The following CST8 variants were observed in gnomAD, a reference collection of about 807,000 sequenced individuals.
CST8 encodes the protein cystatin-8.
Under a neutral mutation model 11.8 loss-of-function variants are expected in CST8, and 20 were observed. That is an observed-to-expected ratio of 1.70 (90% confidence interval 1.20 to 2.47). The LOEUF is 2.47. Ranked by LOEUF, CST8 falls within the 30% of genes most tolerant of loss-of-function variation. The pLI is 0.00. For missense variants in CST8, 196 were observed against 167.2 expected (o/e 1.17, Z -0.95); for synonymous variants, 77 against 63.1 (o/e 1.22, Z -1.05).
the CST8 span, among the ~76,000 whole-genome samples, chr20:23,501,886 A>G: frequency 1.3e-5 from 2 of 152,306 alleles, no homozygotes; most frequent in East Asian, 3.9e-4. Context: ...ATCCTCAAAT[A>G]CAGAGACATT....
At chr20:23,494,753 G>T (rs1449844137) in intron 3 of CST8, among the ~76,000 whole-genome samples, 1 of 152,210 alleles carries the variant, frequency 6.6e-6, no homozygotes, top group African/African-American at 2.4e-5. Flanking sequence ...TGGAAGAAAA[G>T]ATATGTTAGG....
At position 23,492,978 on chromosome 20, in the gene CST8, C is replaced by A. The variant is rs137956606; in HGVS notation, c.252C>A (p.Tyr84Ter). 8.2e-5 allele frequency: 131 copies of A among 1,603,050 alleles called. No individual in the cohort carries two copies. Among genetic ancestry groups the A allele is most frequent in the Non-Finnish European group, 1.1e-4 (130 of 1,170,382 alleles). Residue 84 changes from tyrosine (Y) to a stop codon, truncating the protein, a stop_gained, in exon 3 of 4, where the codon TAC becomes TAA. Coordinates refer to ENST00000246012, the MANE Select transcript of CST8 (RefSeq NM_005492.4). LOFTEE classifies it high-confidence loss of function. ...AACAGGTCACAAATCTTCTGGAATA[C>A]CTTATTGATGTAGAAATTGCCCGCA... ...AQLQVTNLLEYLIDVEIARSD... is the reference protein window; with the variant it reads ...AQLQVTNLLE
chr20:23,503,317 T>C, the CST8 span, among the ~76,000 whole-genome samples: 1 of 152,178 alleles, frequency 6.6e-6, no homozygotes, highest in South Asian at 2.1e-4. Flanking sequence ...AGTATAAAAC[T>C]CACAGGATGC....
downstream of CST8, among the ~76,000 whole-genome samples, chr20:23,500,474 A>G (rs546279569): frequency 6.6e-6 from 1 of 152,192 alleles, no homozygotes; most frequent in African/African-American, 2.4e-5. Flanking sequence ...ATGACCTGGG[A>G]GAGTGTCAGG....
At chr20:23,503,947 C>T in the CST8 span, among the ~76,000 whole-genome samples, 1 of 152,226 alleles carries the variant, frequency 6.6e-6, no homozygotes, top group Non-Finnish European at 1.5e-5. Context: ...ATTGCTCACC[C>T]TGGTGAGAGC....
chr20:23,500,762 TG>T (rs1321179786), downstream of CST8, among the ~76,000 whole-genome samples: 3 of 9,248 alleles, frequency 3.2e-4, no homozygotes, highest in East Asian at 4.8e-3. Flanking sequence ...GGTGGCTGGG[TG>T]GGGGGGTGCA....
chr20:23,496,693 G>A (rs188889996), downstream of CST8, among the ~76,000 whole-genome samples: 77 of 152,270 alleles, frequency 5.1e-4, no homozygotes, highest in Admixed American at 4.8e-3. Context: ...ACGGGAAACT[G>A]GGGCTTATTT....
the CST8 span, among the ~76,000 whole-genome samples, chr20:23,502,326 T>G: frequency 6.6e-6 from 1 of 152,298 alleles, no homozygotes; most frequent in South Asian, 2.1e-4. Flanking sequence ...GGGGAAAGCA[T>G]GGTGGGGGTA....
the CST8 span, among the ~76,000 whole-genome samples, chr20:23,502,330 G>A: frequency 6.6e-6 from 1 of 152,350 alleles, no homozygotes; most frequent in South Asian, 2.1e-4. Flanking sequence ...AAAGCATGGT[G>A]GGGGTATGTG....
downstream of CST8, among the ~76,000 whole-genome samples, chr20:23,496,748 G>A (rs147421199): frequency 7.2e-5 from 11 of 152,210 alleles, no homozygotes; most frequent in South Asian, 2.1e-4. Flanking sequence ...CCCCCAAAGC[G>A]GCCATTTTAG....
chr20:23,495,845 C>T lies in CST8; in HGVS notation c.360C>T (p.Ser120=). Residue 120 remains serine, a synonymous_variant, in exon 4 of 4, where the codon AGC becomes AGT. Coordinates refer to ENST00000246012, the MANE Select transcript of CST8 (RefSeq NM_005492.4). Reference sequence around the variant, plus strand: ...ATCTTTTTCAGAAATTAAGCTGCAGCTTTTTGGTAGGAGCACTTCCCTGGA... The same window carrying T: ...ATCTTTTTCAGAAATTAAGCTGCAGTTTTTTGGTAGGAGCACTTCCCTGGA... ...NSKLKRKLSC[S]FLVGALPWNG... 1 of 1,602,710 alleles carries T rather than the reference C, an allele frequency of 6.2e-7. No homozygotes were observed. Among genetic ancestry groups the T allele is most frequent in the Non-Finnish European group, 8.5e-7 (1 of 1,176,450 alleles).
Position 23,495,835 on chromosome 20 carries a change from T to A in CST8, c.350T>A (p.Leu117Ter). Residue 117 changes from leucine (L) to a stop codon, truncating the protein, a stop_gained, in exon 4 of 4, where the codon TTA (leucine) becomes TAA (stop). Transcript: ENST00000246012. LOFTEE classifies it low-confidence loss of function (END_TRUNC). ...IQENSKLKRKLSCSFLVGALP... is the reference protein window; with the variant it reads ...IQENSKLKRK ...TGTTGTTGTCATCTTTTTCAGAAAT[T>A]AAGCTGCAGCTTTTTGGTAGGAGCA... The A allele has an allele frequency of 6.2e-7, 1 of 1,600,838 alleles. No homozygotes were observed. The highest frequency in any genetic ancestry group is 8.5e-7 in the Non-Finnish European group (1 of 1,174,232).
chr20:23,505,671 A>G, the CST8 span, among the ~76,000 whole-genome samples: 1 of 152,188 alleles, frequency 6.6e-6, no homozygotes, highest in Non-Finnish European at 1.5e-5. Context: ...GAACGCCCTT[A>G]CTGAGGTGGA....
chr20:23,491,722 G>T lies in CST8; in HGVS notation c.55G>T (p.Val19Leu). The T allele has an allele frequency of 1.2e-6, 2 of 1,613,992 alleles. No homozygotes were observed. The highest frequency in any genetic ancestry group is 2.2e-5 in the South Asian group (2 of 91,080). ...CCTCCTCACCATTCCCCTGGCCCTGGTGGCCAGGAAAGACCCAAAAAAGAA... is the reference window on the plus strand; with the variant it reads ...CCTCCTCACCATTCCCCTGGCCCTGTTGGCCAGGAAAGACCCAAAAAAGAA... ...LILLTIPLAL[V>L]ARKDPKKNET... Residue 19 changes from valine (V) to leucine (L), a missense_variant, in exon 2 of 4, where the codon GTG becomes TTG. Transcript: ENST00000246012.
downstream of CST8, among the ~76,000 whole-genome samples, chr20:23,500,560 C>T (rs1380297716): frequency 2.0e-5 from 3 of 151,992 alleles, no homozygotes; most frequent in Non-Finnish European, 4.4e-5. Context: ...CATGTGCGTC[C>T]TAGGAGGGGC....
chr20:23,504,359 C>T, the CST8 span, among the ~76,000 whole-genome samples: 1 of 152,180 alleles, frequency 6.6e-6, no homozygotes, highest in African/African-American at 2.4e-5. Context: ...TTTGTATCCG[C>T]CCACTCCTTG....
rs746304754 is a variant in CST8, at chr20:23,491,924, G to A, written c.231+26G>A. On this transcript the variant is annotated intron_variant, in intron 2 of 3. Transcript: ENST00000246012. Reference sequence around the variant, plus strand: ...GTAAAGGTGTCTTTCCATATAGGTGGACATTTGCATATGGTGGCACAGTTG... The same window carrying A: ...GTAAAGGTGTCTTTCCATATAGGTGAACATTTGCATATGGTGGCACAGTTG... 4 of 1,567,712 alleles carry A rather than the reference G, an allele frequency of 2.6e-6. No homozygotes were observed. The African/African-American group carries it at 4.1e-5, about 16-fold the overall frequency.
At chr20:23,503,898 C>T in the CST8 span, among the ~76,000 whole-genome samples, 1 of 152,182 alleles carries the variant, frequency 6.6e-6, no homozygotes, top group African/African-American at 2.4e-5. Flanking sequence ...AAGGAGGATG[C>T]ACGCTCAGAG....
chr20:23,496,764 T>C (rs1388076066), downstream of CST8, among the ~76,000 whole-genome samples: 1 of 152,198 alleles, frequency 6.6e-6, no homozygotes. Flanking sequence ...TTTAGAGGCC[T>C]ACCCTCAGGG....
Sources: gnomAD v4.1 joint callset for allele counts (sites outside exome capture counted in the v4.1 genomes callset) on GRCh38, gnomAD v4.1.1 for gene constraint, MANE v1.5 for transcripts, NCBI Gene and HGNC (gene_info 2026-07-23, HGNC 2026-07-21) for gene names.